CCDC197: variants seen among roughly 807,000 people sequenced by gnomAD.
CCDC197 encodes the protein coiled-coil domain containing 197.
A neutral mutation model predicts 13.4 loss-of-function variants in CCDC197; 24 were observed. The ratio of observed to expected loss-of-function variants is 1.80; its 90% CI spans 1.30 to 2.53. The LOEUF (loss-of-function observed/expected upper bound fraction) is 2.53. CCDC197 is among the 30% of genes most tolerant of loss of function. The probability of loss-of-function intolerance (pLI) is 0.00; values close to 1 mark genes in which losing one functional copy is unlikely to be tolerated. For synonymous variants in CCDC197, 99 were observed against 55.5 expected (o/e 1.78, Z -3.48); for missense variants, 255 against 148.8 (o/e 1.71, Z -3.71).
chr14:93,995,964 G>A (rs1014393233), upstream of CCDC197, among the ~76,000 whole-genome samples: 44 of 152,324 alleles, frequency 2.9e-4, no homozygotes, highest in South Asian at 4.1e-4. Context: ...CGCTGCCTAC[G>A]GTTTGCGCAG....
chr14:93,995,194 G>C (rs1008146035), upstream of CCDC197, among the ~76,000 whole-genome samples: 18 of 152,196 alleles, frequency 1.2e-4, no homozygotes, highest in Non-Finnish European at 2.4e-4. Flanking sequence ...CCATTTCTGA[G>C]TGGGCAGAGA....
At chr14:94,010,350 C>T (rs532823932), downstream of CCDC197, among the ~76,000 whole-genome samples, 3 of 152,264 alleles carry the variant, frequency 2.0e-5, no homozygotes, top group South Asian at 2.1e-4. Flanking sequence ...ACTACAGGCG[C>T]GTGCCACCAT....
chr14:93,992,072 C>T lies in CCDC197; in HGVS notation c.-107+4676C>T, dbSNP rs548932177. Among the ~76,000 whole-genome samples, 206 of 152,326 alleles carry T rather than the reference C, an allele frequency of 1.4e-3. 2 individuals are homozygous for T. Among genetic ancestry groups the T allele is most frequent in the Non-Finnish European group, 1.9e-3 (132 of 68,016 alleles). ...GTAGCTTGAAATCAGCCATGGCGGG[C>T]GGATTGACACCACAGAAACTGATGA... On this transcript the variant is annotated intron_variant, in intron 1 of 7. Coordinates refer to the CCDC197 transcript ENST00000640978.
intron 1 of CCDC197, among the ~76,000 whole-genome samples, chr14:93,989,496 C>G (rs1890169286): frequency 6.6e-6 from 1 of 152,282 alleles, no homozygotes; most frequent in Admixed American, 6.5e-5. Flanking sequence ...CTCAGTGGGG[C>G]ACATGGATGG....
At chr14:93,995,623 C>T (rs150081331), upstream of CCDC197, among the ~76,000 whole-genome samples, 799 of 152,284 alleles carry the variant, frequency 5.2e-3, 8 homozygotes, top group African/African-American at 0.018. Context: ...GGGGTGGGCA[C>T]ATGGCCCAGG....
intron 1 of CCDC197, among the ~76,000 whole-genome samples, chr14:93,990,083 G>A (rs1890181281): frequency 6.6e-6 from 1 of 152,190 alleles, no homozygotes; most frequent in Non-Finnish European, 1.5e-5. Flanking sequence ...ACCAGCCACA[G>A]AGAAAATGCT....
upstream of CCDC197, among the ~76,000 whole-genome samples, chr14:93,994,478 C>T (rs568644977): frequency 5.9e-5 from 9 of 152,272 alleles, no homozygotes; most frequent in African/African-American, 1.7e-4. Context: ...GTGGCAAATC[C>T]GTGATAGGAC....
downstream of CCDC197, among the ~76,000 whole-genome samples, chr14:94,010,908 C>T (rs565625890): frequency 2.1e-4 from 32 of 152,196 alleles, no homozygotes; most frequent in Non-Finnish European, 4.0e-4. Context: ...GGTTTGAACA[C>T]GCATCAGGAG....
chr14:93,998,618 T>C (rs964911740), intron 2 of CCDC197, among the ~76,000 whole-genome samples: 5 of 151,750 alleles, frequency 3.3e-5, no homozygotes, highest in South Asian at 2.1e-4. Context: ...GGATGGGAGG[T>C]TGGGGAGATA....
In CCDC197 at chr14:94,003,190, T is replaced by C; in HGVS notation, c.367-33T>C. On this transcript the variant is annotated intron_variant, in intron 4 of 6. Coordinates refer to ENST00000636493, the MANE Select transcript of CCDC197 (RefSeq NM_001351596.2). The surrounding 1 kb of genome is among the most constrained non-coding windows in gnomAD (Gnocchi z 5.0). ...CAGGGCATATGCCCTGGAGGGTTTGTTGTACCAAGATGGCCCATTCCCTCT... is the reference window on the plus strand; with the variant it reads ...CAGGGCATATGCCCTGGAGGGTTTGCTGTACCAAGATGGCCCATTCCCTCT... 1.3e-6 allele frequency: 1 copy of C among 774,504 alleles called. No individual in the cohort carries two copies. The highest frequency in any genetic ancestry group is 1.4e-5 in the South Asian group (1 of 73,570). The allele number at this position is 774,504 out of a possible 1,614,324, so 48.0% of individuals were successfully genotyped here. A position where few individuals can be genotyped will look rare whatever the true frequency, so the allele number is the denominator to read the frequency against.
At position 94,003,472 on chromosome 14, in the gene CCDC197, G is replaced by A. The variant is rs1890593106; in HGVS notation, c.498+118G>A. On this transcript the variant is annotated intron_variant, in intron 5 of 6. Transcript: ENST00000636493. This position sits in a 1 kb window ranked among gnomAD's most constrained non-coding sequence, Gnocchi z 5.0. Reference sequence around the variant, plus strand: ...ACGCACGCAGACACACACACACAGAGCCAGACACATAGACACACAGGCACA... The same window carrying A: ...ACGCACGCAGACACACACACACAGAACCAGACACATAGACACACAGGCACA... 3.2e-6 allele frequency: 2 copies of A among 634,032 alleles called. No individual in the cohort carries two copies. Among genetic ancestry groups the A allele is most frequent in the Non-Finnish European group, 2.9e-6 (1 of 347,996 alleles). The allele number at this position is 634,032 out of a possible 1,614,324, so 39.3% of individuals were successfully genotyped here. A position where few individuals can be genotyped will look rare whatever the true frequency, so the allele number is the denominator to read the frequency against.
chr14:93,990,593 T>A (rs1382243248), intron 1 of CCDC197, among the ~76,000 whole-genome samples: 2 of 152,046 alleles, frequency 1.3e-5, no homozygotes, highest in Non-Finnish European at 2.9e-5. Context: ...CTGCCCAAGG[T>A]CAGGTAGTCC....
chr14:93,992,177 G>T (rs1890224572), intron 1 of CCDC197, among the ~76,000 whole-genome samples: 1 of 152,226 alleles, frequency 6.6e-6, no homozygotes, highest in South Asian at 2.1e-4. Context: ...CGGAGATCTG[G>T]TTTTCGCTTT....
At chr14:94,000,565 C>T (rs146934222) in intron 3 of CCDC197, among the ~76,000 whole-genome samples, 15 of 152,100 alleles carry the variant, frequency 9.9e-5, no homozygotes, top group African/African-American at 3.4e-4. Context: ...CATAGGGCTG[C>T]GAGGTGGGTT....
intron 4 of CCDC197, 51 bp downstream of exon 4, chr14:94,001,374 G>C (rs1374976000): frequency 1.5e-6 from 1 of 686,652 alleles, no homozygotes; most frequent in East Asian, 2.6e-5. Context: ...GGGAGCTGGG[G>C]GCGTGGGGCC....
upstream of CCDC197, among the ~76,000 whole-genome samples, chr14:93,995,717 G>A (rs1041093867): frequency 2.6e-5 from 4 of 152,144 alleles, no homozygotes; most frequent in African/African-American, 7.2e-5. Context: ...TTCTGGGGGC[G>A]CCTCCCTGAG....
intron 3 of CCDC197, chr14:94,000,944 T>G: frequency 2.8e-6 from 1 of 362,728 alleles, no homozygotes; most frequent in Non-Finnish European, 4.5e-6. Flanking sequence ...GAGGATTCCC[T>G]TGAAGTGGAG....
downstream of CCDC197, chr14:94,008,918 C>A (rs1890761784): frequency 1.6e-6 from 1 of 616,118 alleles, no homozygotes; most frequent in South Asian, 1.9e-5. Flanking sequence ...AGTCTGGGGG[C>A]ATTGAGGGGG....
chr14:94,009,114 C>T (rs1029197554), downstream of CCDC197, among the ~76,000 whole-genome samples: 2 of 152,214 alleles, frequency 1.3e-5, no homozygotes, highest in Non-Finnish European at 2.9e-5. Context: ...CTACATCTCT[C>T]ACTTTCATGG....
Sources: gnomAD v4.1 joint callset for allele counts (sites outside exome capture counted in the v4.1 genomes callset) on GRCh38, gnomAD v4.1.1 for gene constraint, Gnocchi (gnomAD v3.1) non-coding constraint, MANE v1.5 for transcripts, NCBI Gene and HGNC (gene_info 2026-07-23, HGNC 2026-07-21) for gene names.